DSCAML1: variants seen among roughly 807,000 people sequenced by gnomAD.
DSCAML1 encodes DS cell adhesion molecule like 1.
A neutral mutation model predicts 200.5 loss-of-function variants in DSCAML1; 38 were observed. That is an observed-to-expected ratio of 0.19 (90% CI 0.15 to 0.25). The LOEUF (loss-of-function observed/expected upper bound fraction) is 0.25, where lower values mean the gene tolerates loss of function less well. Ranked by LOEUF, DSCAML1 falls within the 10% of genes least tolerant of loss-of-function variation. The pLI, the probability that DSCAML1 is intolerant of heterozygous loss-of-function variation, is 1.00. For missense variants in DSCAML1, 2,223 were observed against 2,858.8 expected (o/e 0.78, Z 5.07); for synonymous variants, 1,215 against 1,165.0 (o/e 1.04, Z -0.87).
intron 21 of DSCAML1, among the ~76,000 whole-genome samples, chr11:117,443,126 A>C (rs1446960996): frequency 1.3e-5 from 2 of 152,044 alleles, no homozygotes; most frequent in Non-Finnish European, 2.9e-5. Context: ...AGAGTGGGGG[A>C]GTGAGGAGGG....
In DSCAML1 at chr11:117,463,819, C is replaced by T. The variant is rs2048528032; in HGVS notation, c.3265+1123G>A. 6.6e-6 allele frequency among the ~76,000 whole-genome samples: 1 copy of T among 152,172 alleles called. No individual in the cohort carries two copies. Among genetic ancestry groups the T allele is most frequent in the Non-Finnish European group, 1.5e-5 (1 of 68,044 alleles). On this transcript the variant is annotated intron_variant, in intron 17 of 32. Transcript: ENST00000651296. The surrounding 1 kb of genome is among the most constrained non-coding windows in gnomAD (Gnocchi z 4.0). ...ATTGAAGTCGGCCCCATCTTAAAGCCCAGCTTTTGCCCCAGAATCATGAAA... is the reference window on the plus strand; with the variant it reads ...ATTGAAGTCGGCCCCATCTTAAAGCTCAGCTTTTGCCCCAGAATCATGAAA...
At chr11:117,549,255 C>T (rs1349088973) in intron 3 of DSCAML1, among the ~76,000 whole-genome samples, 1 of 152,244 alleles carries the variant, frequency 6.6e-6, no homozygotes, top group East Asian at 1.9e-4. Context: ...GCTCATTCCC[C>T]TGCCTCCCAG....
rs2050099143 is a variant in DSCAML1 at position 117,532,415 on chromosome 11, C to T, written c.619G>A (p.Glu207Lys). Residue 207 changes from glutamate to lysine, a missense_variant, in exon 4 of 33, where the codon GAG (glutamate) becomes AAG (lysine). Around this residue, in one of 7 missense-constraint regions of DSCAML1, gnomAD observed 579 missense variants for 721.5 expected, o/e 0.80. Coordinates refer to ENST00000651296, the MANE Select transcript of DSCAML1 (RefSeq NM_020693.4). ...CGTGCCCCATTGCTCTGCCGGGTCTCCCCGCTATACTTGTGCTTGGTGATG... is the reference window on the plus strand; with the variant it reads ...CGTGCCCCATTGCTCTGCCGGGTCTTCCCGCTATACTTGTGCTTGGTGATG... ...RCITKHKYSG[E>K]TRQSNGARLS... is the part of the protein sequence containing the mutation. The T allele has an allele frequency of 6.2e-7, 1 of 1,614,148 alleles. No individual in the cohort carries two copies. Among genetic ancestry groups the T allele is most frequent in the Non-Finnish European group, 8.5e-7 (1 of 1,180,002 alleles).
intron 3 of DSCAML1, among the ~76,000 whole-genome samples, chr11:117,655,937 C>T (rs1006088030): frequency 6.6e-6 from 1 of 152,122 alleles, no homozygotes; most frequent in African/African-American, 2.4e-5. Flanking sequence ...GAGGTGAAGG[C>T]TCATATTCTT....
Position 117,649,059 on chromosome 11 carries a change from G to A in DSCAML1, c.512-116537C>T, listed in dbSNP as rs1013914190. ...CATATATATGTGTGTGTGTGTGTGT[G>A]TGTGTGTGTGTGTGTGTGTGTGTGT... On this transcript the variant is annotated intron_variant, in intron 3 of 32. Coordinates refer to ENST00000651296, the MANE Select transcript of DSCAML1 (RefSeq NM_020693.4). Among the ~76,000 whole-genome samples, 76 of 151,484 alleles carry A rather than the reference G, an allele frequency of 5.0e-4. 2 individuals are homozygous for A. Among genetic ancestry groups the A allele is most frequent in the South Asian group, 1.7e-3 (8 of 4,764 alleles).
rs1373582219 is a variant in DSCAML1, at chr11:117,432,335, C to G, written c.5179+17G>C. 4 of 1,608,032 alleles carry G rather than the reference C, an allele frequency of 2.5e-6. No homozygotes were observed. The highest frequency in any genetic ancestry group is 8.5e-7 in the Non-Finnish European group (1 of 1,177,440). On this transcript the variant is annotated intron_variant, in intron 30 of 32. Coordinates refer to ENST00000651296, the MANE Select transcript of DSCAML1 (RefSeq NM_020693.4). ...CCCGGTTGGGAAAAGGGCTGTCTCC[C>G]TGGGGATAATGCGTACTGGTTCCTG...
intron 3 of DSCAML1, among the ~76,000 whole-genome samples, chr11:117,720,549 A>G (rs182448610): frequency 1.3e-5 from 2 of 152,318 alleles, no homozygotes; most frequent in East Asian, 3.9e-4. Flanking sequence ...TAAAAACTGA[A>G]CCACATCCCT....
chr11:117,704,123 A>G (rs564425342), intron 3 of DSCAML1, among the ~76,000 whole-genome samples: 1 of 124,168 alleles, frequency 8.1e-6, no homozygotes, highest in African/African-American at 3.0e-5. Context: ...GGAAGAAGGA[A>G]GGGAGGAGGG....
chr11:117,597,557 T>G (rs951296830), intron 3 of DSCAML1, among the ~76,000 whole-genome samples: 2 of 152,218 alleles, frequency 1.3e-5, no homozygotes, highest in African/African-American at 4.8e-5. Flanking sequence ...CAAGCAATTC[T>G]CCTACCTCAG....
At chr11:117,461,660 AT>A (rs2137149821) in intron 17 of DSCAML1, 64 bp from the exon 18 acceptor site, 2 of 1,528,558 alleles carry the variant, frequency 1.3e-6, no homozygotes, top group East Asian at 2.3e-5. Context: ...CAGTACAGCA[AT>A]TGTGTCCCAG....
chr11:117,746,457 C>T (rs907474539), intron 3 of DSCAML1, among the ~76,000 whole-genome samples: 1 of 152,058 alleles, frequency 6.6e-6, no homozygotes, highest in Non-Finnish European at 1.5e-5. Flanking sequence ...CTCTGCCTCT[C>T]GTCTTCTCTT....
At chr11:117,436,527 T>TGC (rs1287788627) in intron 26 of DSCAML1, among the ~76,000 whole-genome samples, 2 of 123,458 alleles carry the variant, frequency 1.6e-5, no homozygotes, top group Non-Finnish European at 3.9e-5. Context: ...TGTGTGTGTG[T>TGC]GTATGTGTGT....
chr11:117,663,995 G>A (rs2052920763), intron 3 of DSCAML1, among the ~76,000 whole-genome samples: 1 of 152,206 alleles, frequency 6.6e-6, no homozygotes, highest in Non-Finnish European at 1.5e-5. Flanking sequence ...ATTGCTCAGC[G>A]CCATCACCAA....
At chr11:117,429,464 C>A (rs1008320727) in intron 32 of DSCAML1, among the ~76,000 whole-genome samples, 1 of 150,030 alleles carries the variant, frequency 6.7e-6, no homozygotes, top group Non-Finnish European at 1.5e-5. Flanking sequence ...AGTGCAGTGG[C>A]ATGATCTCGG....
intron 3 of DSCAML1, among the ~76,000 whole-genome samples, chr11:117,765,479 T>A (rs1187300299): frequency 6.6e-6 from 1 of 152,152 alleles, no homozygotes; most frequent in East Asian, 1.9e-4. Context: ...ACCCTCTGTG[T>A]AAGAGCAGCA....
At chr11:117,595,392 T>G (rs139956899) in intron 3 of DSCAML1, among the ~76,000 whole-genome samples, 1 of 152,250 alleles carries the variant, frequency 6.6e-6, no homozygotes, top group East Asian at 1.9e-4. Flanking sequence ...ACTTGGTATA[T>G]TTCCTTTTAG....
chr11:117,442,074 GTT>G (rs2048065159), intron 21 of DSCAML1, among the ~76,000 whole-genome samples: 2 of 151,256 alleles, frequency 1.3e-5, no homozygotes, highest in Admixed American at 6.6e-5. Flanking sequence ...GCAGATGCGT[GTT>G]TGTGCACATG....
At position 117,521,330 on chromosome 11, in the gene DSCAML1, A is replaced by G. The variant is rs1313324289; in HGVS notation, c.1013T>C (p.Leu338Pro). 3 of 1,614,072 alleles carry G rather than the reference A, an allele frequency of 1.9e-6. No homozygotes were observed. The highest frequency in any genetic ancestry group is 2.5e-6 in the Non-Finnish European group (3 of 1,180,036). Residue 338 changes from leucine (L) to proline (P), a missense_variant, in exon 6 of 33, where the codon CTG (leucine) becomes CCG (proline). Around this residue, in one of 7 missense-constraint regions of DSCAML1, gnomAD observed 579 missense variants for 721.5 expected, o/e 0.80. Coordinates refer to ENST00000651296, the MANE Select transcript of DSCAML1 (RefSeq NM_020693.4). ...GATGGTGAACTCTGGGGAGCCCGTC[A>G]GGGCACAGGAGAGGATGACCGTGCT... ...IGSTVILSCA[L>P]TGSPEFTIRW... is the part of the protein sequence containing the mutation.
intron 3 of DSCAML1, among the ~76,000 whole-genome samples, chr11:117,603,114 A>T (rs2051496264): frequency 6.6e-6 from 1 of 151,994 alleles, no homozygotes; most frequent in Non-Finnish European, 1.5e-5. Context: ...AACAACAACA[A>T]CAACAAAAAA....
Sources: gnomAD v4.1 joint callset for allele counts (sites outside exome capture counted in the v4.1 genomes callset) on GRCh38, gnomAD v4.1.1 for gene constraint, gnomAD v4.1.1 regional missense constraint, Gnocchi (gnomAD v3.1) non-coding constraint, MANE v1.5 for transcripts, NCBI Gene and HGNC (gene_info 2026-07-23, HGNC 2026-07-21) for gene names.